SORL1: variants seen among roughly 807,000 people sequenced by gnomAD.
The protein encoded by SORL1 is sortilin related receptor 1.
In SORL1, 127 loss-of-function variants were observed where a neutral mutation model predicts 273.7. The ratio of observed to expected loss-of-function variants is 0.46; its 90% CI spans 0.40 to 0.54. The LOEUF (loss-of-function observed/expected upper bound fraction) is 0.54. SORL1 is among the 20% of genes least tolerant of loss of function. SORL1 has a pLI of 0.00. For synonymous variants in SORL1, 1,031 were observed against 1,067.4 expected (o/e 0.97, Z 0.66); for missense variants, 2,494 against 2,846.1 (o/e 0.88, Z 2.81).
chr11:121,532,315 G>A (rs983625556), intron 11 of SORL1, 149 bp from the exon 12 acceptor site: 1 of 651,120 alleles, frequency 1.5e-6, no homozygotes, highest in Middle Eastern at 2.9e-4. Flanking sequence ...GGATGTCAAT[G>A]TCTTCTGTAA....
chr11:121,487,082 C>T (rs1044905248), intron 3 of SORL1, among the ~76,000 whole-genome samples: 1 of 152,236 alleles, frequency 6.6e-6, no homozygotes, highest in African/African-American at 2.4e-5. Flanking sequence ...CCCTGCGAGG[C>T]CCACCTCTTC....
chr11:121,515,124 G>A (rs776465829), intron 8 of SORL1, among the ~76,000 whole-genome samples: 29 of 152,182 alleles, frequency 1.9e-4, no homozygotes, highest in Non-Finnish European at 3.2e-4. Context: ...AATTCATTCC[G>A]TTGTCAGTTT....
At chr11:121,501,323 T>G (rs1861704969) in intron 6 of SORL1, among the ~76,000 whole-genome samples, 1 of 152,212 alleles carries the variant, frequency 6.6e-6, no homozygotes, top group Admixed American at 6.5e-5. Context: ...ATTACCTAAT[T>G]CCAAATATTT....
At chr11:121,545,483 T>C in intron 14 of SORL1, 54 bp downstream of exon 14, 1 of 1,536,932 alleles carries the variant, frequency 6.5e-7, no homozygotes, top group South Asian at 1.1e-5. Flanking sequence ...CACTCAGCAG[T>C]GTTGGGGGAA....
At chr11:121,500,907 C>T (rs1204582666) in intron 6 of SORL1, among the ~76,000 whole-genome samples, 1 of 152,192 alleles carries the variant, frequency 6.6e-6, no homozygotes, top group Non-Finnish European at 1.5e-5. Context: ...CCACGAATTT[C>T]ACTATTGAAA....
chr11:121,605,075 T>C, intron 33 of SORL1, 38 bp from the exon 34 acceptor site: 1 of 1,580,738 alleles, frequency 6.3e-7, no homozygotes. Context: ...CCAGCCAAGA[T>C]GTAACTTTGT....
At chr11:121,598,021 T>C (rs1863325467) in intron 32 of SORL1, among the ~76,000 whole-genome samples, 1 of 152,034 alleles carries the variant, frequency 6.6e-6, no homozygotes, top group Non-Finnish European at 1.5e-5. Context: ...AAAACAGACC[T>C]GTAGAGTGGC....
rs1862552511 is a variant in SORL1, at chr11:121,554,702, C to T, written c.2440-485C>T. On this transcript the variant is annotated intron_variant, in intron 17 of 47. Coordinates refer to ENST00000260197, the MANE Select transcript of SORL1 (RefSeq NM_003105.6). This position sits in a 1 kb window ranked among gnomAD's most constrained non-coding sequence, Gnocchi z 4.6. ...CAACCCAACAGAAATTTCACAGTGC[C>T]TGGGTATTTGAGGGGCTTGGGGTGG... Among the ~76,000 whole-genome samples the T allele has an allele frequency of 6.6e-6, 1 of 152,086 alleles. No individual in the cohort carries two copies. The highest frequency in any genetic ancestry group is 1.9e-4 in the East Asian group (1 of 5,186).
At chr11:121,612,709 T>G in intron 39 of SORL1, 27 bp from the exon 40 acceptor site, 1 of 1,567,730 alleles carries the variant, frequency 6.4e-7, no homozygotes, top group Non-Finnish European at 8.8e-7. Flanking sequence ...TAGCTGTTCA[T>G]CTAACATGCT....
rs374274027 is a variant in SORL1 at position 121,535,820 on chromosome 11, T to C, written c.1685+3268T>C. The stretch of plus-strand genomic sequence containing the variant: ...TTACCTTTGTTATTGTTAATTGAAA[T>C]TGAGAGCAAGAAGTGGAACACTTTG... On this transcript the variant is annotated intron_variant, in intron 12 of 47. Coordinates refer to ENST00000260197, the MANE Select transcript of SORL1 (RefSeq NM_003105.6). 5.3e-5 allele frequency among the ~76,000 whole-genome samples: 8 copies of C among 152,282 alleles called. No homozygotes were observed. The East Asian group carries it at 9.6e-4, about 18-fold the overall frequency.
intron 33 of SORL1, among the ~76,000 whole-genome samples, chr11:121,604,690 G>C (rs1047271424): frequency 1.3e-5 from 2 of 152,080 alleles, no homozygotes; most frequent in African/African-American, 4.8e-5. Flanking sequence ...CCTTGGACTT[G>C]TAGCATTCTC....
rs1403144544 is a variant in SORL1 at position 121,605,283 on chromosome 11, T to A, written c.4778+44T>A. ...ATGGGAGATGAAAATGATGTCTTCA[T>A]TGCCCCAGGATGTTCTGTAAACTCT... On this transcript the variant is annotated intron_variant, in intron 34 of 47. Coordinates refer to ENST00000260197, the MANE Select transcript of SORL1 (RefSeq NM_003105.6). 6.3e-6 allele frequency: 10 copies of A among 1,594,912 alleles called. No homozygotes were observed. In the South Asian group the frequency reaches 1.0e-4, roughly 16 times the overall value.
At chr11:121,498,233 G>A (rs942116021) in intron 6 of SORL1, among the ~76,000 whole-genome samples, 40 of 152,170 alleles carry the variant, frequency 2.6e-4, no homozygotes, top group African/African-American at 8.0e-4. Flanking sequence ...ATGTACAGCA[G>A]CCCAGAAACA....
chr11:121,522,518 G>T (rs887131079), intron 9 of SORL1, 68 bp from the exon 10 acceptor site: 165 of 1,211,420 alleles, frequency 1.4e-4, no homozygotes, highest in Non-Finnish European at 1.6e-4. Flanking sequence ...CACACAGGCC[G>T]CAGGGTTTAC....
At chr11:121,549,463 A>G (rs1862476567) in intron 14 of SORL1, among the ~76,000 whole-genome samples, 1 of 152,054 alleles carries the variant, frequency 6.6e-6, no homozygotes, top group Admixed American at 6.6e-5. Context: ...CTGGGCTTAA[A>G]CAATATGTCT....
chr11:121,581,038 G>A (rs1030632891), intron 25 of SORL1, among the ~76,000 whole-genome samples: 2 of 151,464 alleles, frequency 1.3e-5, no homozygotes, highest in African/African-American at 2.4e-5. Context: ...TCAGCCTCAC[G>A]AGTAGCTGGG....
chr11:121,607,285 G>C lies in SORL1; in HGVS notation c.5161G>C (p.Val1721Leu). 6.5e-7 allele frequency: 1 copy of C among 1,535,390 alleles called. No homozygotes were observed. The highest frequency in any genetic ancestry group is 9.0e-7 in the Non-Finnish European group (1 of 1,108,784). The change falls in exon 37 of 48, where the codon GTC (valine) becomes CTC (leucine). Residue 1721 changes from valine to leucine, a missense_variant. Coordinates refer to ENST00000260197, the MANE Select transcript of SORL1 (RefSeq NM_003105.6). The part of the protein sequence containing the change: ...KNLLVNTLYT[V>L]RVAAVTSRGI... Reference sequence around the variant, plus strand: ...CTTATTGGTCAACACTCTATACACCGTCAGAGTGAGTGTCGTCATCCATTC... The same window carrying C: ...CTTATTGGTCAACACTCTATACACCCTCAGAGTGAGTGTCGTCATCCATTC...
intron 4 of SORL1, 28 bp from the exon 5 acceptor site, chr11:121,490,015 C>T (rs1227371726): frequency 4.4e-6 from 7 of 1,582,086 alleles, no homozygotes; most frequent in South Asian, 4.4e-5. Flanking sequence ...ATACATGCCT[C>T]TTGCATCATG....
At chr11:121,538,453 A>C (rs977439335) in intron 12 of SORL1, among the ~76,000 whole-genome samples, 1 of 152,162 alleles carries the variant, frequency 6.6e-6, no homozygotes, top group Non-Finnish European at 1.5e-5. Context: ...TTTACTCAGC[A>C]TAATGATTTT....
Sources: allele counts gnomAD v4.1 joint callset (sites outside exome capture counted in the v4.1 genomes callset), GRCh38; gene constraint gnomAD v4.1.1; non-coding constraint Gnocchi (gnomAD v3.1); transcripts MANE v1.5; gene names NCBI Gene and HGNC (gene_info 2026-07-23, HGNC 2026-07-21).